The following GAB2 variants were observed in gnomAD, a reference collection of about 807,000 sequenced individuals.
The protein encoded by GAB2 is GRB2-associated-binding protein 2.
A neutral mutation model predicts 65.5 loss-of-function variants in GAB2; 26 were observed. The ratio of observed to expected loss-of-function variants is 0.40; its 90% CI spans 0.29 to 0.55. The LOEUF is 0.55. Among genes scored for constraint, GAB2 ranks in the 20% least tolerant of loss-of-function variants. GAB2 has a pLI of 0.53. For synonymous variants in GAB2, 321 were observed against 329.6 expected (o/e 0.97, Z 0.28); for missense variants, 884 against 875.8 (o/e 1.01, Z -0.12).
intron 3 of GAB2, among the ~76,000 whole-genome samples, chr11:78,239,835 T>A (rs909160217): frequency 1.3e-5 from 2 of 152,172 alleles, no homozygotes; most frequent in Admixed American, 6.5e-5. Context: ...CATAGCTGTG[T>A]TCCGTGTGGC....
intron 3 of GAB2, among the ~76,000 whole-genome samples, chr11:78,238,003 G>A (rs1320529464): frequency 4.6e-5 from 7 of 152,062 alleles, no homozygotes; most frequent in Admixed American, 1.3e-4. Flanking sequence ...CCTGGGGGTG[G>A]GTGTATAATA....
intron 1 of GAB2, among the ~76,000 whole-genome samples, chr11:78,388,845 C>T (rs186848304): frequency 2.4e-4 from 37 of 152,196 alleles, no homozygotes; most frequent in Non-Finnish European, 3.8e-4. Flanking sequence ...AGAACTAGAG[C>T]GAGAAAGAAA....
intron 3 of GAB2, among the ~76,000 whole-genome samples, chr11:78,231,496 C>T (rs1192077319): frequency 1.3e-5 from 2 of 152,100 alleles, no homozygotes; most frequent in Admixed American, 6.5e-5. Context: ...ATTACAGGAG[C>T]GTACCACTGC....
At chr11:78,234,501 G>A (rs1172579689) in intron 3 of GAB2, among the ~76,000 whole-genome samples, 1 of 151,354 alleles carries the variant, frequency 6.6e-6, no homozygotes, top group African/African-American at 2.4e-5. Flanking sequence ...TGAATGTCAA[G>A]CTGTTTCAGC....
At chr11:78,243,443 G>A (rs1865200525) in intron 3 of GAB2, among the ~76,000 whole-genome samples, 1 of 152,094 alleles carries the variant, frequency 6.6e-6, no homozygotes. Context: ...ACACCAGCCT[G>A]GGTGACACAG....
chr11:78,329,921 G>A (rs1239027157), intron 1 of GAB2, among the ~76,000 whole-genome samples: 1 of 152,208 alleles, frequency 6.6e-6, no homozygotes, highest in Non-Finnish European at 1.5e-5. Flanking sequence ...CAGGCAGTCT[G>A]CCAATTACTT....
chr11:78,296,336 C>T (rs1204640862), intron 1 of GAB2, among the ~76,000 whole-genome samples: 1 of 152,184 alleles, frequency 6.6e-6, no homozygotes, highest in Admixed American at 6.5e-5. Flanking sequence ...AATACATAAC[C>T]TCGTTTTATA....
intron 2 of GAB2, among the ~76,000 whole-genome samples, chr11:78,268,425 G>A (rs1160689118): frequency 1.3e-5 from 2 of 152,112 alleles, no homozygotes; most frequent in East Asian, 1.9e-4. Flanking sequence ...GAGGTCCAAG[G>A]TGACCTTACC....
chr11:78,381,064 A>G lies in GAB2; in HGVS notation c.75+36582T>C, dbSNP rs114589860. On this transcript the variant is annotated intron_variant, in intron 1 of 9. Coordinates refer to ENST00000361507, the MANE Select transcript of GAB2 (RefSeq NM_080491.3). ...TGGCCATACTTAAGCTTTGTACTCA[A>G]ATAGACTCTACTTAATCGTATTTTC... 8.3e-3 allele frequency among the ~76,000 whole-genome samples: 1,263 copies of G among 152,314 alleles called. 19 individuals are homozygous for G. Among genetic ancestry groups the G allele is most frequent in the African/African-American group, 0.029 (1,195 of 41,562 alleles).
chr11:78,323,980 T>G (rs958190602), intron 1 of GAB2, among the ~76,000 whole-genome samples: 7 of 151,940 alleles, frequency 4.6e-5, no homozygotes, highest in African/African-American at 1.7e-4. Flanking sequence ...GTATTTTTAG[T>G]AGAGACGGGG....
At chr11:78,342,404 CTTTTTTTTTTTT>C (rs143105179) in intron 1 of GAB2, among the ~76,000 whole-genome samples, 1 of 109,878 alleles carries the variant, frequency 9.1e-6, no homozygotes, top group African/African-American at 3.7e-5. Flanking sequence ...ACACTTTGCA[CTTTTTTTTTTTT>C]TTTTTTTTTT....
chr11:78,258,588 A>T (rs1251766947), intron 2 of GAB2, among the ~76,000 whole-genome samples: 3 of 147,850 alleles, frequency 2.0e-5, no homozygotes, highest in Non-Finnish European at 4.4e-5. Flanking sequence ...AATTTTTTTT[A>T]AATTTTTTAA....
At chr11:78,330,796 G>A (rs775944127) in intron 1 of GAB2, among the ~76,000 whole-genome samples, 1 of 151,548 alleles carries the variant, frequency 6.6e-6, no homozygotes, top group Non-Finnish European at 1.5e-5. Flanking sequence ...TTCCCATAAC[G>A]TATTTTCTTA....
intron 1 of GAB2, among the ~76,000 whole-genome samples, chr11:78,319,931 A>C (rs558189465): frequency 6.6e-6 from 1 of 150,820 alleles, no homozygotes; most frequent in South Asian, 2.1e-4. Context: ...GCTGGAGTGC[A>C]CCGGTGTGAT....
chr11:78,387,098 G>A (rs1856777891), intron 1 of GAB2, among the ~76,000 whole-genome samples: 1 of 152,198 alleles, frequency 6.6e-6, no homozygotes, highest in South Asian at 2.1e-4. Context: ...CTGGAGTACA[G>A]TGGCTAGGTC....
intron 3 of GAB2, among the ~76,000 whole-genome samples, chr11:78,238,519 A>C (rs929231910): frequency 1.3e-5 from 2 of 150,416 alleles, no homozygotes; most frequent in African/African-American, 5.0e-5. Context: ...TATTGGTAGA[A>C]AGTTTGCTAA....
chr11:78,257,685 G>A (rs1023727220), intron 2 of GAB2, among the ~76,000 whole-genome samples: 12 of 152,126 alleles, frequency 7.9e-5, no homozygotes, highest in African/African-American at 1.7e-4. Context: ...ATTATATGCC[G>A]TACAGATGGT....
At chr11:78,335,923 AG>A (rs1294820704) in intron 1 of GAB2, among the ~76,000 whole-genome samples, 1 of 152,098 alleles carries the variant, frequency 6.6e-6, no homozygotes, top group Non-Finnish European at 1.5e-5. Context: ...AGTGTCTTAT[AG>A]TTTTCATTAC....
At chr11:78,240,677 T>A (rs889251879) in intron 3 of GAB2, among the ~76,000 whole-genome samples, 2 of 151,994 alleles carry the variant, frequency 1.3e-5, no homozygotes, top group Admixed American at 6.5e-5. Context: ...CCATTGAGCC[T>A]TATTGACTCA....
Sources: gnomAD v4.1 joint callset for allele counts (sites outside exome capture counted in the v4.1 genomes callset) on GRCh38, gnomAD v4.1.1 for gene constraint, MANE v1.5 for transcripts, NCBI Gene and HGNC (gene_info 2026-07-23, HGNC 2026-07-21) for gene names.